MB21D2: variants seen among roughly 807,000 people sequenced by gnomAD.
The protein encoded by MB21D2 is Mab-21 domain containing 2.
In MB21D2, 9 loss-of-function variants were observed where a neutral mutation model predicts 33.3. The observed-to-expected ratio is 0.27, with a 90% confidence interval of 0.16 to 0.47. MB21D2 has a LOEUF of 0.47. Ranked by LOEUF, MB21D2 falls within the 20% of genes least tolerant of loss-of-function variation. The pLI, the probability that MB21D2 is intolerant of heterozygous loss-of-function variation, is 0.99. For synonymous variants in MB21D2, 241 were observed against 236.3 expected (o/e 1.02, Z -0.18); for missense variants, 540 against 624.6 (o/e 0.86, Z 1.44).
chr3:192,882,828 A>C (rs1363071109), intron 1 of MB21D2, among the ~76,000 whole-genome samples: 1 of 151,376 alleles, frequency 6.6e-6, no homozygotes, highest in African/African-American at 2.4e-5. Context: ...TTCACCTCCT[A>C]GGTTCAAGTG....
intron 1 of MB21D2, among the ~76,000 whole-genome samples, chr3:192,911,540 T>C (rs940217610): frequency 5.3e-5 from 8 of 152,258 alleles, no homozygotes; most frequent in Middle Eastern, 3.4e-3. Context: ...GAGCAGCTTG[T>C]TGGGGGATCT....
intron 1 of MB21D2, among the ~76,000 whole-genome samples, chr3:192,901,887 G>A (rs774816914): frequency 6.6e-6 from 1 of 152,194 alleles, no homozygotes; most frequent in Non-Finnish European, 1.5e-5. Flanking sequence ...TTCTAAATCT[G>A]AAATTAAACC....
Position 192,830,979 on chromosome 3 carries a change from T to C in MB21D2, c.212-31329A>G, listed in dbSNP as rs139028711. Among the ~76,000 whole-genome samples the C allele has an allele frequency of 8.6e-4, 131 of 152,288 alleles. 1 individual carries two copies. Among genetic ancestry groups the C allele is most frequent in the African/African-American group, 3.0e-3 (126 of 41,556 alleles). On this transcript the variant is annotated intron_variant, in intron 1 of 1. Transcript: ENST00000392452. ...AAACTATGTCAAAAAGGCTGTGTGG[T>C]CTCAAGGAAACAGCCCACACCCAGT... is the stretch of plus-strand genomic sequence containing the variant.
intron 1 of MB21D2, among the ~76,000 whole-genome samples, chr3:192,822,787 G>C (rs1438462360): frequency 6.6e-6 from 1 of 152,198 alleles, no homozygotes; most frequent in African/African-American, 2.4e-5. Context: ...GAATGTCAAA[G>C]AGGTACTGCT....
intron 1 of MB21D2, among the ~76,000 whole-genome samples, chr3:192,901,487 G>C (rs1325199756): frequency 6.6e-6 from 1 of 150,586 alleles, no homozygotes; most frequent in Non-Finnish European, 1.5e-5. Context: ...GGGCTTCTCT[G>C]AGAATTTCAA....
At chr3:192,886,970 C>G (rs1713745915) in intron 1 of MB21D2, among the ~76,000 whole-genome samples, 1 of 150,808 alleles carries the variant, frequency 6.6e-6, no homozygotes, top group African/African-American at 2.5e-5. Flanking sequence ...AAAATCCTGT[C>G]AAGCTGTAAG....
intron 1 of MB21D2, among the ~76,000 whole-genome samples, chr3:192,911,422 T>C (rs1025236768): frequency 1.3e-5 from 2 of 152,158 alleles, no homozygotes; most frequent in African/African-American, 4.8e-5. Flanking sequence ...CTCATTAGGC[T>C]CAGCAGCTTG....
chr3:192,824,214 T>C (rs966888358), intron 1 of MB21D2, among the ~76,000 whole-genome samples: 5 of 152,144 alleles, frequency 3.3e-5, no homozygotes, highest in Admixed American at 6.6e-5. Context: ...AAGGCCCTCA[T>C]AGTAAAAATT....
At chr3:192,884,415 G>A (rs182640130) in intron 1 of MB21D2, among the ~76,000 whole-genome samples, 1 of 152,120 alleles carries the variant, frequency 6.6e-6, no homozygotes, top group Admixed American at 6.5e-5. Flanking sequence ...CACCCAGGCT[G>A]GAGTGCAGTG....
At position 192,796,829 on chromosome 3, in the gene MB21D2, T is replaced by A. The variant is rs1490248886; in HGVS notation, c.*1557A>T. The A allele has an allele frequency of 1.3e-5, 2 of 152,228 alleles. No individual in the cohort carries two copies. Among genetic ancestry groups the A allele is most frequent in the Non-Finnish European group, 2.9e-5 (2 of 68,006 alleles). The allele number at this position is 152,228 out of a possible 1,614,324, so 9.4% of individuals were successfully genotyped here. A position where few individuals can be genotyped will look rare whatever the true frequency, so the allele number is the denominator to read the frequency against. On this transcript the variant is annotated 3_prime_UTR_variant, in exon 2 of 2. Transcript: ENST00000392452. ...CAACAACAAAATTTCAAGGCCAGTA[T>A]GTTTCTTTTTTTATTATTTTTGTGT...
At chr3:192,884,452 C>T (rs7645455) in intron 1 of MB21D2, among the ~76,000 whole-genome samples, 4 of 151,056 alleles carry the variant, frequency 2.6e-5, no homozygotes, top group South Asian at 4.2e-4. Flanking sequence ...CTGCAAGCTC[C>T]GCCTCCCGGG....
chr3:192,827,450 T>C (rs535837309), intron 1 of MB21D2, among the ~76,000 whole-genome samples: 2 of 152,208 alleles, frequency 1.3e-5, no homozygotes, highest in South Asian at 2.1e-4. Context: ...ATGATGTGTG[T>C]GGAACACATA....
intron 1 of MB21D2, among the ~76,000 whole-genome samples, chr3:192,860,039 A>C (rs551972231): frequency 4.6e-5 from 7 of 152,194 alleles, no homozygotes; most frequent in Non-Finnish European, 7.3e-5. Flanking sequence ...CTCTCAGGAG[A>C]CCACCCTGGT....
chr3:192,813,299 AATTTT>A (rs1252545689), intron 1 of MB21D2, among the ~76,000 whole-genome samples: 29 of 147,576 alleles, frequency 2.0e-4, no homozygotes, highest in Non-Finnish European at 1.9e-4. Context: ...TACTGCAGTT[AATTTT>A]TTTTTTTTTT....
chr3:192,884,531 T>C (rs1428228263), intron 1 of MB21D2, among the ~76,000 whole-genome samples: 1 of 105,440 alleles, frequency 9.5e-6, no homozygotes, highest in African/African-American at 3.4e-5. Context: ...CACGCCCGGC[T>C]AATTTTTTGT....
At chr3:192,879,296 T>C (rs11922933) in intron 1 of MB21D2, among the ~76,000 whole-genome samples, 11,794 of 152,278 alleles carry the variant, frequency 0.077, 550 homozygotes, top group African/African-American at 0.13. Context: ...CTCTTTCCAC[T>C]GATGTCACCA....
At chr3:192,852,476 G>A (rs547226348) in intron 1 of MB21D2, among the ~76,000 whole-genome samples, 1 of 152,188 alleles carries the variant, frequency 6.6e-6, no homozygotes, top group Non-Finnish European at 1.5e-5. Flanking sequence ...TCATATACAG[G>A]TTCTAGAGGT....
rs766271374 is a variant in MB21D2, at chr3:192,798,595, G to A, written c.1267C>T (p.Arg423Trp). 12 of 1,613,924 alleles carry A rather than the reference G, an allele frequency of 7.4e-6. No individual in the cohort carries two copies. Among genetic ancestry groups the A allele is most frequent in the African/African-American group, 2.7e-5 (2 of 74,912 alleles). ...CGCCTCTGGAGCTCCAGTGTCAGCC[G>A]GTTGGCTGCCTTGACATGCTCAATG... is the stretch of plus-strand genomic sequence containing the variant. ...TAIEHVKAAN[R>W]LTLELQRRGS... Residue 423 changes from arginine (R) to tryptophan (W), a missense_variant, in exon 2 of 2, where the codon CGG becomes TGG. Transcript: ENST00000392452. This position sits in a 1 kb window ranked among gnomAD's most constrained non-coding sequence, Gnocchi z 4.8.
intron 1 of MB21D2, among the ~76,000 whole-genome samples, chr3:192,880,761 GAC>G (rs1713542656): frequency 2.0e-5 from 3 of 152,110 alleles, no homozygotes; most frequent in Non-Finnish European, 4.4e-5. Context: ...CTGTTCCAAA[GAC>G]ATAACCTGTC....
Sources: allele counts gnomAD v4.1 joint callset (sites outside exome capture counted in the v4.1 genomes callset), GRCh38; gene constraint gnomAD v4.1.1; non-coding constraint Gnocchi (gnomAD v3.1); transcripts MANE v1.5; gene names NCBI Gene and HGNC (gene_info 2026-07-23, HGNC 2026-07-21).